Variants in ST7 observed in about 807,000 individuals in gnomAD.
ST7 encodes the protein suppression of tumorigenicity 7.
In ST7, 28 loss-of-function variants were observed where a neutral mutation model predicts 78.7. The observed-to-expected ratio is 0.36, with a 90% CI of 0.26 to 0.49. The LOEUF (loss-of-function observed/expected upper bound fraction) is 0.49. ST7 is among the 20% of genes least tolerant of loss of function. The pLI, the probability that ST7 is intolerant of heterozygous loss-of-function variation, is 0.99. For missense variants in ST7, 418 were observed against 696.0 expected, an observed-to-expected ratio of 0.60 and a Z score of 4.49; for synonymous variants, 247 against 249.6, an observed-to-expected ratio of 0.99 and a Z score of 0.10.
At chr7:117,067,054 A>G (rs911036020) in intron 1 of ST7, among the ~76,000 whole-genome samples, 6 of 152,236 alleles carry the variant, frequency 3.9e-5, no homozygotes, top group Non-Finnish European at 7.4e-5. Context: ...TTCAAGGTCC[A>G]TCCATTTTGT....
chr7:117,184,660 A>G lies in ST7; in HGVS notation c.1079-4661A>G, dbSNP rs139652860. Among the ~76,000 whole-genome samples the G allele has an allele frequency of 5.8e-3, 890 of 152,316 alleles. 20 individuals carry two copies. The highest frequency in any genetic ancestry group is 0.018 in the East Asian group (93 of 5,182). On this transcript the variant is annotated intron_variant, in intron 10 of 15. Transcript: ENST00000323984. ...GGTACAAATATAAAGGGGTAGCACC[A>G]GGGAGTTCCTCTGTGGTAATGGAAC...
At chr7:116,958,615 C>G (rs752434852) in intron 1 of ST7, 22 of 471,366 alleles carry the variant, frequency 4.7e-5, no homozygotes, top group African/African-American at 4.0e-4. Context: ...GCCTTCTGAT[C>G]CTTTCAGCTG....
At chr7:117,128,110 G>T (rs1228429665) in intron 3 of ST7, among the ~76,000 whole-genome samples, 1 of 151,832 alleles carries the variant, frequency 6.6e-6, no homozygotes, top group Non-Finnish European at 1.5e-5. Context: ...ATTCTACCAC[G>T]AGGATCCTTA....
chr7:117,112,925 G>C (rs1802549630), intron 2 of ST7, among the ~76,000 whole-genome samples: 1 of 152,210 alleles, frequency 6.6e-6, no homozygotes, highest in Non-Finnish European at 1.5e-5. Flanking sequence ...ATGATCTTCT[G>C]CAGGGGACCC....
intron 9 of ST7, among the ~76,000 whole-genome samples, chr7:117,152,148 A>G (rs1439404736): frequency 1.5e-5 from 2 of 136,474 alleles, no homozygotes; most frequent in African/African-American, 5.6e-5. Context: ...TTATATATAT[A>G]TAAAATATAT....
intron 1 of ST7, among the ~76,000 whole-genome samples, chr7:117,029,396 G>T (rs909953708): frequency 1.3e-5 from 2 of 151,706 alleles, no homozygotes; most frequent in African/African-American, 4.8e-5. Context: ...ATCTTCTTTC[G>T]TTGTGTTTGT....
At chr7:116,966,870 C>T (rs1793145176) in intron 1 of ST7, among the ~76,000 whole-genome samples, 1 of 152,214 alleles carries the variant, frequency 6.6e-6, no homozygotes. Flanking sequence ...CACTGGAGAA[C>T]AAGTAACTAT....
intron 1 of ST7, among the ~76,000 whole-genome samples, chr7:116,962,123 T>C (rs1464176047): frequency 2.0e-5 from 3 of 152,162 alleles, no homozygotes; most frequent in Non-Finnish European, 4.4e-5. Flanking sequence ...TCTCATTCCT[T>C]TTTTATGACT....
At chr7:117,012,955 T>G (rs1795447436) in intron 1 of ST7, among the ~76,000 whole-genome samples, 1 of 152,220 alleles carries the variant, frequency 6.6e-6, no homozygotes, top group Non-Finnish European at 1.5e-5. Flanking sequence ...CTTTCTAATT[T>G]AGATATTTCA....
intron 1 of ST7, chr7:117,090,575 T>C (rs982215413): frequency 6.5e-6 from 1 of 153,070 alleles, no homozygotes; most frequent in Admixed American, 6.5e-5. Context: ...AATGTAACTA[T>C]GTGGAAGGTT....
intron 1 of ST7, among the ~76,000 whole-genome samples, chr7:117,090,258 C>G (rs1232302122): frequency 4.8e-5 from 7 of 147,224 alleles, no homozygotes; most frequent in African/African-American, 1.5e-4. Context: ...CACACAGACA[C>G]ACACACACAC....
intron 12 of ST7, among the ~76,000 whole-genome samples, chr7:117,193,030 G>A (rs1039501071): frequency 2.4e-4 from 37 of 152,076 alleles, no homozygotes; most frequent in Admixed American, 1.6e-3. Context: ...GATCCTCTTC[G>A]TCTATCAGAA....
chr7:117,221,939 A>G lies in ST7; in HGVS notation c.1515A>G (p.Ser505=). Residue 505 remains serine, a synonymous_variant, in exon 15 of 16, where the codon TCA becomes TCG. Transcript: ENST00000323984. ...TCTCCACAGCTTTCCATGAAGTCTC[A>G]GTTTACCCAAAGAAGGAGCTTCCCT... ...RELLPSFHEV[S]VYPKKELPFF... is the part of the protein sequence containing the mutation. The G allele has an allele frequency of 6.2e-7, 1 of 1,610,868 alleles. No homozygotes were observed. Among genetic ancestry groups the G allele is most frequent in the South Asian group, 1.1e-5 (1 of 90,450 alleles).
chr7:117,138,385 C>A, intron 8 of ST7, 50 bp from the exon 9 acceptor site: 1 of 1,226,176 alleles, frequency 8.2e-7, no homozygotes, highest in Middle Eastern at 2.0e-4. Flanking sequence ...AAATGGGCCT[C>A]TGTATTTTTT....
At chr7:117,044,271 C>T (rs1043354368) in intron 1 of ST7, among the ~76,000 whole-genome samples, 1 of 152,168 alleles carries the variant, frequency 6.6e-6, no homozygotes, top group African/African-American at 2.4e-5. Context: ...AATTTGTTAA[C>T]ATCACTCATT....
chr7:117,177,681 T>C (rs943466652), intron 10 of ST7, among the ~76,000 whole-genome samples: 3 of 152,214 alleles, frequency 2.0e-5, no homozygotes, highest in Non-Finnish European at 2.9e-5. Context: ...AGTTGAATCA[T>C]TGAACTCCCA....
chr7:117,222,763 T>C, intron 15 of ST7: 1 of 923,134 alleles, frequency 1.1e-6, no homozygotes, highest in Non-Finnish European at 1.8e-6. Flanking sequence ...AGGAAAACAG[T>C]ATCAATTGTT....
intron 3 of ST7, among the ~76,000 whole-genome samples, chr7:117,126,725 G>A (rs1803879150): frequency 1.3e-5 from 2 of 151,776 alleles, no homozygotes; most frequent in African/African-American, 4.8e-5. Flanking sequence ...AATAGTGAGA[G>A]GGAGGGCTGA....
At chr7:117,123,489 A>G (rs1187871412) in intron 3 of ST7, among the ~76,000 whole-genome samples, 1 of 152,182 alleles carries the variant, frequency 6.6e-6, no homozygotes, top group African/African-American at 2.4e-5. Flanking sequence ...TTAATTATAC[A>G]GTTTCTTACT....
Sources: allele counts gnomAD v4.1 joint callset (sites outside exome capture counted in the v4.1 genomes callset), GRCh38; gene constraint gnomAD v4.1.1; transcripts MANE v1.5; gene names NCBI Gene and HGNC (gene_info 2026-07-23, HGNC 2026-07-21).